Variants in GALNT13 observed in about 807,000 individuals in gnomAD.
The protein encoded by GALNT13 is UDP-GalNAc:polypeptide N-acetylgalactosaminyltransferase 13.
GALNT13 carries 28 observed loss-of-function variants against 64.2 expected under a neutral mutation model. The observed-to-expected ratio is 0.44, with a 90% confidence interval of 0.32 to 0.60. The LOEUF (loss-of-function observed/expected upper bound fraction) is 0.60. Among genes scored for constraint, GALNT13 ranks in the 20% least tolerant of loss-of-function variants. The probability of loss-of-function intolerance (pLI) is 0.05; values close to 1 mark genes in which losing one functional copy is unlikely to be tolerated. For synonymous variants in GALNT13, 214 were observed against 224.6 expected (o/e 0.95, Z 0.42); for missense variants, 577 against 669.8 (o/e 0.86, Z 1.53).
the GALNT13 span, among the ~76,000 whole-genome samples, chr2:153,562,487 C>G: frequency 6.6e-6 from 1 of 151,976 alleles, no homozygotes; most frequent in Non-Finnish European, 1.5e-5. Flanking sequence ...CGTCTTTTGT[C>G]AAAAAACACC....
rs544856504 is a variant in GALNT13, at chr2:154,244,633, A to G, written c.687-1179A>G. 5.1e-4 allele frequency among the ~76,000 whole-genome samples: 78 copies of G among 152,326 alleles called. 3 individuals are homozygous for G. In the South Asian group the frequency reaches 0.016, roughly 31 times the overall value. ...TTCAGAATTAGCTACAACCAATACA[A>G]TTTGAGTAGGCCTGAACATTTACTT... On this transcript the variant is annotated intron_variant, in intron 6 of 12. Transcript: ENST00000392825.
chr2:154,343,726 T>C (rs114302469), intron 9 of GALNT13, among the ~76,000 whole-genome samples: 2,639 of 152,100 alleles, frequency 0.017, 75 homozygotes, highest in African/African-American at 0.06. Context: ...TACAGTGAAT[T>C]AAGTTCATCC....
chr2:153,579,992 T>C, the GALNT13 span, among the ~76,000 whole-genome samples: 1 of 152,098 alleles, frequency 6.6e-6, no homozygotes. Context: ...ACGGCTCAAA[T>C]ATGGTGAATT....
At chr2:153,452,013 A>G in the GALNT13 span, among the ~76,000 whole-genome samples, 1 of 152,250 alleles carries the variant, frequency 6.6e-6, no homozygotes, top group African/African-American at 2.4e-5. Context: ...CAAGCATCTG[A>G]AGGACAACCT....
intron 3 of GALNT13, among the ~76,000 whole-genome samples, chr2:154,138,429 A>G: frequency 6.6e-6 from 1 of 152,098 alleles, no homozygotes; most frequent in Non-Finnish European, 1.5e-5. Flanking sequence ...TAATTTCCAA[A>G]AATTATTTTT....
rs558483744 is a variant in GALNT13, at chr2:154,425,766, T to C, written c.1396-12826T>C. On this transcript the variant is annotated intron_variant, in intron 11 of 12. Transcript: ENST00000392825. ...ATGTATGTGTATTGAATTCAGCAGT[T>C]CATGAAGGTGATGTGTAATTTGGAT... Among the ~76,000 whole-genome samples the C allele has an allele frequency of 9.0e-4, 137 of 152,260 alleles. 1 individual carries two copies. The highest frequency in any genetic ancestry group is 1.6e-3 in the Non-Finnish European group (107 of 68,020).
chr2:153,571,754 A>G, the GALNT13 span, among the ~76,000 whole-genome samples: 2 of 151,914 alleles, frequency 1.3e-5, no homozygotes, highest in African/African-American at 4.8e-5. Context: ...CACTTTGACT[A>G]ATTTGCAAAT....
chr2:153,872,618 GC>G (rs201872806), intron 1 of GALNT13, among the ~76,000 whole-genome samples: 15,837 of 60,206 alleles, frequency 0.26, 3,060 homozygotes, highest in Non-Finnish European at 0.37. Flanking sequence ...GTTGTTGGTG[GC>G]GGGGGGGGGG....
At chr2:153,723,468 A>C in the GALNT13 span, among the ~76,000 whole-genome samples, 4 of 148,166 alleles carry the variant, frequency 2.7e-5, no homozygotes, top group Non-Finnish European at 5.9e-5. Context: ...ATCAGGCAGG[A>C]GAAGGAAATA....
chr2:153,861,215 G>A, the GALNT13 span, among the ~76,000 whole-genome samples: 2 of 152,226 alleles, frequency 1.3e-5, no homozygotes, highest in Admixed American at 6.5e-5. Flanking sequence ...TCCATAAACT[G>A]CATTATTTAA....
the GALNT13 span, among the ~76,000 whole-genome samples, chr2:153,668,996 A>C: frequency 6.6e-6 from 1 of 152,184 alleles, no homozygotes; most frequent in East Asian, 1.9e-4. Flanking sequence ...CCCTGTCTGA[A>C]TTGAGTGCCT....
intron 3 of GALNT13, among the ~76,000 whole-genome samples, chr2:154,049,969 C>T (rs1699494572): frequency 6.6e-6 from 1 of 151,948 alleles, no homozygotes; most frequent in African/African-American, 2.4e-5. Context: ...ACATATCTTC[C>T]TTTCTCAATT....
chr2:153,416,291 T>C, the GALNT13 span, among the ~76,000 whole-genome samples: 1 of 152,224 alleles, frequency 6.6e-6, no homozygotes, highest in Non-Finnish European at 1.5e-5. Flanking sequence ...CATAGGTCTC[T>C]TCCAGACACA....
intron 4 of GALNT13, among the ~76,000 whole-genome samples, chr2:154,211,715 G>A (rs1451635441): frequency 6.7e-6 from 1 of 149,190 alleles, no homozygotes; most frequent in Non-Finnish European, 1.5e-5. Flanking sequence ...AATCATATGA[G>A]ACCACTATCC....
the GALNT13 span, among the ~76,000 whole-genome samples, chr2:153,651,123 C>G: frequency 6.6e-6 from 1 of 152,098 alleles, no homozygotes; most frequent in Admixed American, 6.6e-5. Context: ...ACCTAAAGTT[C>G]TTTAAGAGGG....
At chr2:153,413,603 C>G in the GALNT13 span, among the ~76,000 whole-genome samples, 1 of 152,254 alleles carries the variant, frequency 6.6e-6, no homozygotes, top group African/African-American at 2.4e-5. Flanking sequence ...TATATAACTG[C>G]CGTTGTTCTA....
intron 9 of GALNT13, among the ~76,000 whole-genome samples, chr2:154,359,365 A>T (rs1696933145): frequency 6.6e-6 from 1 of 152,074 alleles, no homozygotes; most frequent in Non-Finnish European, 1.5e-5. Context: ...GAAGTTTCAG[A>T]GCCAAGAGTG....
chr2:153,460,267 T>G, the GALNT13 span, among the ~76,000 whole-genome samples: 13 of 152,146 alleles, frequency 8.5e-5, no homozygotes, highest in Non-Finnish European at 1.6e-4. Context: ...AAAAACCATA[T>G]AGTATAATTT....
the GALNT13 span, among the ~76,000 whole-genome samples, chr2:153,747,422 GTTTTT>G: frequency 2.1e-5 from 2 of 93,750 alleles, no homozygotes; most frequent in Non-Finnish European, 4.0e-5. Flanking sequence ...AGTGCCTTTG[GTTTTT>G]TTTTTTTTTT....
Sources: gnomAD v4.1 joint callset for allele counts (sites outside exome capture counted in the v4.1 genomes callset) on GRCh38, gnomAD v4.1.1 for gene constraint, MANE v1.5 for transcripts, NCBI Gene and HGNC (gene_info 2026-07-23, HGNC 2026-07-21) for gene names.